The following FHIP1A variants were observed in gnomAD, a reference collection of about 807,000 sequenced individuals.
FHIP1A encodes the protein FHF complex subunit HOOK interacting protein 1A.
In FHIP1A, 61 loss-of-function variants were observed where a neutral mutation model predicts 88.6. That is an observed-to-expected ratio of 0.69 (90% confidence interval 0.56 to 0.85). The LOEUF (loss-of-function observed/expected upper bound fraction) is 0.85, where lower values mean the gene tolerates loss of function less well. FHIP1A is among the 40% of genes least tolerant of loss of function. The pLI, the probability that FHIP1A is intolerant of heterozygous loss-of-function variation, is 0.00. For synonymous variants in FHIP1A, 478 were observed against 496.0 expected, an observed-to-expected ratio of 0.96 and a Z score of 0.48; for missense variants, 1,154 against 1,273.5, an observed-to-expected ratio of 0.91 and a Z score of 1.43.
chr4:151,414,915 A>C (rs534232639), intron 1 of FHIP1A, among the ~76,000 whole-genome samples: 1 of 152,336 alleles, frequency 6.6e-6, no homozygotes, highest in African/African-American at 2.4e-5. Context: ...TAATGTTAAA[A>C]GTTAAAGTAC....
chr4:151,501,925 T>G (rs1450375128), intron 3 of FHIP1A, among the ~76,000 whole-genome samples: 2 of 151,018 alleles, frequency 1.3e-5, no homozygotes, highest in Non-Finnish European at 2.9e-5. Flanking sequence ...AAAACAGAAA[T>G]GGACAGAAAC....
chr4:151,504,807 G>A (rs916103281), intron 3 of FHIP1A, among the ~76,000 whole-genome samples: 19 of 152,022 alleles, frequency 1.2e-4, no homozygotes, highest in African/African-American at 4.1e-4. Context: ...TAGGAGAGAA[G>A]GGGTTTCACC....
chr4:151,639,531 G>A (rs1419254110), intron 9 of FHIP1A, among the ~76,000 whole-genome samples: 1 of 152,152 alleles, frequency 6.6e-6, no homozygotes, highest in Non-Finnish European at 1.5e-5. Context: ...ATTTAGCCCC[G>A]AATCTCTGCA....
chr4:151,486,976 A>C (rs573017072), intron 3 of FHIP1A, among the ~76,000 whole-genome samples: 1 of 151,586 alleles, frequency 6.6e-6, no homozygotes, highest in Non-Finnish European at 1.5e-5. Flanking sequence ...TTAAAAAAAA[A>C]AAAAAGAAAA....
intron 3 of FHIP1A, among the ~76,000 whole-genome samples, chr4:151,496,717 T>TTTTTTTTC (rs1491309755): frequency 1.6e-5 from 1 of 63,278 alleles, no homozygotes; most frequent in Non-Finnish European, 3.7e-5. Flanking sequence ...CACGTCCAGC[T>TTTTTTTTC]TTTTTTTTTT....
intron 2 of FHIP1A, among the ~76,000 whole-genome samples, chr4:151,474,653 C>T (rs996616926): frequency 6.6e-5 from 10 of 152,250 alleles, no homozygotes; most frequent in South Asian, 4.1e-4. Flanking sequence ...ATGGCTAGTC[C>T]GCTGGGAAAT....
Position 151,664,504 on chromosome 4 carries a change from GT to G in FHIP1A, c.*1751del, listed in dbSNP as rs1329659251. 1.3e-5 allele frequency among the ~76,000 whole-genome samples: 2 copies of G among 152,216 alleles called. No homozygotes were observed. Among genetic ancestry groups the G allele is most frequent in the Admixed American group, 1.3e-4 (2 of 15,286 alleles). ...AAGACACCAAAGATTCCTACTCACT[GT>G]ACATTTCTGTTTGTCTTGACAAATG... On this transcript the variant is annotated 3_prime_UTR_variant, in exon 14 of 14. Coordinates refer to ENST00000435205, the MANE Select transcript of FHIP1A (RefSeq NM_001109977.3).
At chr4:151,643,111 A>G (rs1351066206) in intron 9 of FHIP1A, among the ~76,000 whole-genome samples, 1 of 152,104 alleles carries the variant, frequency 6.6e-6, no homozygotes, top group African/African-American at 2.4e-5. Flanking sequence ...TACCTATACT[A>G]AATTCATAAG....
chr4:151,445,849 AATATATATAT>A (rs56199696), intron 1 of FHIP1A, among the ~76,000 whole-genome samples: 3,842 of 98,008 alleles, frequency 0.039, 377 homozygotes, highest in African/African-American at 0.12. Context: ...CATCTCTTAA[AATATATATAT>A]ATATATATAT....
chr4:151,460,637 G>A (rs148750152), intron 2 of FHIP1A, among the ~76,000 whole-genome samples: 3 of 152,372 alleles, frequency 2.0e-5, no homozygotes, highest in African/African-American at 7.2e-5. Context: ...AGCAGGCCAT[G>A]TAGTTGTCAT....
intron 7 of FHIP1A, among the ~76,000 whole-genome samples, chr4:151,595,225 G>A (rs1205386585): frequency 2.0e-5 from 3 of 152,142 alleles, no homozygotes; most frequent in Non-Finnish European, 4.4e-5. Flanking sequence ...GGTATGTTGT[G>A]TCTTTATTCC....
At chr4:151,623,038 T>A (rs1022800955) in intron 7 of FHIP1A, among the ~76,000 whole-genome samples, 1 of 152,142 alleles carries the variant, frequency 6.6e-6, no homozygotes, top group Non-Finnish European at 1.5e-5. Flanking sequence ...GGAGAGAGGT[T>A]TATGATAAGC....
At chr4:151,495,526 A>G (rs991666889) in intron 3 of FHIP1A, among the ~76,000 whole-genome samples, 4 of 151,850 alleles carry the variant, frequency 2.6e-5, no homozygotes, top group Non-Finnish European at 5.9e-5. Flanking sequence ...AAAGAAAAGA[A>G]AAAAGACTGG....
At chr4:151,515,946 C>G (rs1323251153) in intron 3 of FHIP1A, among the ~76,000 whole-genome samples, 1 of 152,184 alleles carries the variant, frequency 6.6e-6, no homozygotes, top group Non-Finnish European at 1.5e-5. Context: ...TTGGAAAAAA[C>G]TACTTTAAAG....
chr4:151,432,175 A>T (rs1413108580), intron 1 of FHIP1A, among the ~76,000 whole-genome samples: 1 of 152,256 alleles, frequency 6.6e-6, no homozygotes, highest in Non-Finnish European at 1.5e-5. Context: ...AGGGCCTAGT[A>T]TGTGTAAAGC....
intron 9 of FHIP1A, among the ~76,000 whole-genome samples, chr4:151,646,294 A>C (rs1337918198): frequency 6.6e-6 from 1 of 152,202 alleles, no homozygotes; most frequent in Non-Finnish European, 1.5e-5. Flanking sequence ...AAAGGCATGG[A>C]GTTTGAAGAG....
intron 3 of FHIP1A, among the ~76,000 whole-genome samples, chr4:151,560,563 C>G (rs369686946): frequency 6.6e-6 from 1 of 152,028 alleles, no homozygotes; most frequent in Non-Finnish European, 1.5e-5. Context: ...TCTGCGTTTA[C>G]CTTAGTCAAC....
At position 151,523,349 on chromosome 4, in the gene FHIP1A, A is replaced by T. The variant is rs111332039; in HGVS notation, c.-123+40701A>T. Among the ~76,000 whole-genome samples, 507 of 152,332 alleles carry T rather than the reference A, an allele frequency of 3.3e-3. 2 individuals carry two copies. The highest frequency in any genetic ancestry group is 0.012 in the African/African-American group (492 of 41,568). On this transcript the variant is annotated intron_variant, in intron 3 of 13. Transcript: ENST00000435205. ...GTGACAGATTTGTTTACTTGCTGAC[A>T]CAGTGGAATTTGTTCATTTATTGTA...
chr4:151,467,432 T>C (rs1242458825), intron 2 of FHIP1A, among the ~76,000 whole-genome samples: 1 of 152,186 alleles, frequency 6.6e-6, no homozygotes, highest in Non-Finnish European at 1.5e-5. Flanking sequence ...CTCAAGGATC[T>C]AGAACCAGAA....
Sources: gnomAD v4.1 joint callset for allele counts (sites outside exome capture counted in the v4.1 genomes callset) on GRCh38, gnomAD v4.1.1 for gene constraint, MANE v1.5 for transcripts, NCBI Gene and HGNC (gene_info 2026-07-23, HGNC 2026-07-21) for gene names.